The following PHACTR2 variants were observed in gnomAD, a reference collection of about 807,000 sequenced individuals.
The protein encoded by PHACTR2 is chromosome 6 open reading frame 56.
A neutral mutation model predicts 76.0 loss-of-function variants in PHACTR2; 30 were observed. The observed-to-expected ratio is 0.39, with a 90% CI of 0.30 to 0.54. The LOEUF (loss-of-function observed/expected upper bound fraction) is 0.54, where lower values mean the gene tolerates loss of function less well. Among genes scored for constraint, PHACTR2 ranks in the 20% least tolerant of loss-of-function variants. The probability of loss-of-function intolerance (pLI) is 0.61; values close to 1 mark genes in which losing one functional copy is unlikely to be tolerated. For missense variants in PHACTR2, 696 were observed against 781.1 expected (o/e 0.89, Z 1.30); for synonymous variants, 292 against 292.5 (o/e 1.00, Z 0.02).
chr6:143,649,086 A>G (rs905489481), intron 1 of PHACTR2, among the ~76,000 whole-genome samples: 2 of 151,714 alleles, frequency 1.3e-5, no homozygotes, highest in Admixed American at 1.3e-4. Context: ...AGTCAATTAG[A>G]TTTTGCCTTT....
In PHACTR2 at chr6:143,697,020, A is replaced by C. The variant is rs1005847699; in HGVS notation, c.47-14996A>C. ...ATGTTTGCCACCACAACACTGGGCT[A>C]TTATGCAAGGTAGTTCTACCTTGTA... On this transcript the variant is annotated intron_variant, in intron 1 of 12. Transcript: ENST00000440869. This position sits in a 1 kb window ranked among gnomAD's most constrained non-coding sequence, Gnocchi z 4.4. Among the ~76,000 whole-genome samples, 5 of 152,210 alleles carry C rather than the reference A, an allele frequency of 3.3e-5. No individual in the cohort carries two copies. The highest frequency in any genetic ancestry group is 4.8e-5 in the African/African-American group (2 of 41,450).
At chr6:143,729,141 C>T (rs1778644158) in intron 2 of PHACTR2, among the ~76,000 whole-genome samples, 1 of 152,118 alleles carries the variant, frequency 6.6e-6, no homozygotes, top group Admixed American at 6.5e-5. Context: ...CATATATCCT[C>T]TTTGATGAAG....
At chr6:143,724,594 A>G (rs1778516850) in intron 2 of PHACTR2, among the ~76,000 whole-genome samples, 1 of 147,850 alleles carries the variant, frequency 6.8e-6, no homozygotes, top group African/African-American at 2.5e-5. Flanking sequence ...TAGAGGTCCC[A>G]GCCCCGAGTT....
intron 2 of PHACTR2, among the ~76,000 whole-genome samples, chr6:143,717,865 C>A (rs1778337928): frequency 6.6e-6 from 1 of 152,118 alleles, no homozygotes; most frequent in Non-Finnish European, 1.5e-5. Flanking sequence ...AACCATCATA[C>A]CCTGCCTATG....
Position 143,789,199 on chromosome 6 carries a change from T to C in PHACTR2, c.1845+289T>C, listed in dbSNP as rs868289098. The C allele has an allele frequency of 2.5e-5, 6 of 243,240 alleles. No homozygotes were observed. Among genetic ancestry groups the C allele is most frequent in the Middle Eastern group, 2.9e-3 (2 of 698 alleles). The allele number at this position is 243,240 out of a possible 1,614,324, so 15.1% of individuals were successfully genotyped here. A position where few individuals can be genotyped will look rare whatever the true frequency, so the allele number is the denominator to read the frequency against. The stretch of plus-strand genomic sequence containing the variant: ...AGGATTTATCCTTACTCTTAGAAAA[T>C]ATAACTTATACAACTTATCATTTTA... On this transcript the variant is annotated intron_variant, in intron 11 of 12. Transcript: ENST00000440869. The surrounding 1 kb of genome is among the most constrained non-coding windows in gnomAD (Gnocchi z 5.1).
chr6:143,720,474 G>A (rs1315084202), intron 2 of PHACTR2, among the ~76,000 whole-genome samples: 1 of 152,160 alleles, frequency 6.6e-6, no homozygotes, highest in Admixed American at 6.5e-5. Flanking sequence ...AGAGAATCCT[G>A]GGAAGTCATC....
In PHACTR2 at chr6:143,806,261, T is replaced by C. The variant is rs1776061499; in HGVS notation, c.1846-796T>C. Among the ~76,000 whole-genome samples, 1 of 152,254 alleles carries C rather than the reference T, an allele frequency of 6.6e-6. No homozygotes were observed. The highest frequency in any genetic ancestry group is 1.9e-4 in the East Asian group (1 of 5,206). On this transcript the variant is annotated intron_variant, in intron 11 of 12. Coordinates refer to ENST00000440869, the MANE Select transcript of PHACTR2 (RefSeq NM_001100164.2). The surrounding 1 kb of genome is among the most constrained non-coding windows in gnomAD (Gnocchi z 5.8). ...ATTACGTGACACGGATTATGTGTTC[T>C]TTAAATAGCAATGCATTCTATTTGA...
At chr6:143,661,712 C>G (rs771326874) in intron 1 of PHACTR2, among the ~76,000 whole-genome samples, 1 of 152,018 alleles carries the variant, frequency 6.6e-6, no homozygotes, top group South Asian at 2.1e-4. Flanking sequence ...TGCACCACCA[C>G]ACCTGGCTAA....
rs541644274 is a variant in PHACTR2, at chr6:143,686,008, C to T, written c.46+7799C>T. The stretch of plus-strand genomic sequence containing the variant: ...TTAGCCAGGTGTGGTGGCGGGCGCC[C>T]GTAATCTCAGCTACTTGAGAGGCTG... On this transcript the variant is annotated intron_variant, in intron 1 of 12. Transcript: ENST00000440869. Among the ~76,000 whole-genome samples the T allele has an allele frequency of 2.6e-4, 40 of 151,664 alleles. 1 individual carries two copies. Among genetic ancestry groups the T allele is most frequent in the South Asian group, 1.0e-3 (5 of 4,804 alleles).
At chr6:143,817,727 T>C (rs2128486305) in intron 12 of PHACTR2, among the ~76,000 whole-genome samples, 1 of 152,328 alleles carries the variant, frequency 6.6e-6, no homozygotes, top group East Asian at 1.9e-4. Context: ...TGGAGGATAT[T>C]ATGTTATGTG....
At position 143,680,108 on chromosome 6, in the gene PHACTR2, G is replaced by A. The variant is rs1777356060; in HGVS notation, c.46+1899G>A. ...TCTCTAAATCCGTTAGAGCTACCCT[G>A]TTTCCCTGAAGGTTTGCCATCAGAT... On this transcript the variant is annotated intron_variant, in intron 1 of 12. Coordinates refer to ENST00000440869, the MANE Select transcript of PHACTR2 (RefSeq NM_001100164.2). This position sits in a 1 kb window ranked among gnomAD's most constrained non-coding sequence, Gnocchi z 4.5. 6.6e-6 allele frequency among the ~76,000 whole-genome samples: 1 copy of A among 150,782 alleles called. No individual in the cohort carries two copies. Among genetic ancestry groups the A allele is most frequent in the South Asian group, 2.1e-4 (1 of 4,804 alleles).
intron 1 of PHACTR2, among the ~76,000 whole-genome samples, chr6:143,631,783 A>G (rs1182851445): frequency 6.6e-6 from 1 of 152,146 alleles, no homozygotes; most frequent in Non-Finnish European, 1.5e-5. Context: ...AGCTTCTCGT[A>G]AAGTGGACAC....
At position 143,825,083 on chromosome 6, in the gene PHACTR2, A is replaced by G. The variant is rs866786629; in HGVS notation, c.*1394A>G. The G allele has an allele frequency of 5.9e-5, 9 of 152,754 alleles. No homozygotes were observed. The highest frequency in any genetic ancestry group is 1.9e-4 in the East Asian group (1 of 5,190). 9.5% of individuals were successfully genotyped at this position (152,754 alleles called of 1,614,324 possible). A position where few individuals can be genotyped will look rare whatever the true frequency, so the allele number is the denominator to read the frequency against. On this transcript the variant is annotated 3_prime_UTR_variant, in exon 13 of 13. Transcript: ENST00000440869. The surrounding 1 kb of genome is among the most constrained non-coding windows in gnomAD (Gnocchi z 4.1). ...CTTCTGCTCCCAAATACATATGACC[A>G]TATGTAAATACCACCTTGCATTTCA... is the stretch of plus-strand genomic sequence containing the variant.
chr6:143,757,126 A>T lies in PHACTR2; in HGVS notation c.454+3214A>T, dbSNP rs1327379282. Among the ~76,000 whole-genome samples, 1 of 148,948 alleles carries T rather than the reference A, an allele frequency of 6.7e-6. No individual in the cohort carries two copies. Among genetic ancestry groups the T allele is most frequent in the Non-Finnish European group, 1.5e-5 (1 of 68,010 alleles). On this transcript the variant is annotated intron_variant, in intron 4 of 12. Transcript: ENST00000440869. This position sits in a 1 kb window ranked among gnomAD's most constrained non-coding sequence, Gnocchi z 4.2. ...TGCTTGACATTATTTTTATTAAGTT[A>T]TTATTTTAAAATCTTCAATGAAATA...
rs942315728 is a variant in PHACTR2, at chr6:143,755,548, G to A, written c.454+1636G>A. On this transcript the variant is annotated intron_variant, in intron 4 of 12. Transcript: ENST00000440869. This position sits in a 1 kb window ranked among gnomAD's most constrained non-coding sequence, Gnocchi z 5.2. Reference sequence around the variant, plus strand: ...TTGAAAGAAGATAGCAGACCTTATGGGTCCATGAATAGTTGAGAGATGTTT... The same window carrying A: ...TTGAAAGAAGATAGCAGACCTTATGAGTCCATGAATAGTTGAGAGATGTTT... 2.9e-6 allele frequency: 1 copy of A among 345,690 alleles called. No individual in the cohort carries two copies. The highest frequency in any genetic ancestry group is 3.9e-5 in the Admixed American group (1 of 25,750). 21.4% of individuals were successfully genotyped at this position (345,690 alleles called of 1,614,324 possible). A position where few individuals can be genotyped will look rare whatever the true frequency, so the allele number is the denominator to read the frequency against.
At chr6:143,702,808 T>C (rs1376943427) in intron 1 of PHACTR2, among the ~76,000 whole-genome samples, 1 of 73,936 alleles carries the variant, frequency 1.4e-5, no homozygotes, top group East Asian at 3.3e-4. Context: ...TTACAGAAAA[T>C]AAACTACTGC....
At position 143,696,583 on chromosome 6, in the gene PHACTR2, A is replaced by G. The variant is rs1279268594; in HGVS notation, c.47-15433A>G. ...AAGGTTGAATTACAGACCTAAGGTT[A>G]CCAGCTAGGATGGGGAGGAACAGAT... On this transcript the variant is annotated intron_variant, in intron 1 of 12. Coordinates refer to ENST00000440869, the MANE Select transcript of PHACTR2 (RefSeq NM_001100164.2). This position sits in a 1 kb window ranked among gnomAD's most constrained non-coding sequence, Gnocchi z 4.1. Among the ~76,000 whole-genome samples, 4 of 152,202 alleles carry G rather than the reference A, an allele frequency of 2.6e-5. No individual in the cohort carries two copies. Among genetic ancestry groups the G allele is most frequent in the Non-Finnish European group, 5.9e-5 (4 of 68,036 alleles).
At chr6:143,707,916 G>A (rs117623780) in intron 1 of PHACTR2, among the ~76,000 whole-genome samples, 2,536 of 152,252 alleles carry the variant, frequency 0.017, 32 homozygotes, top group Middle Eastern at 0.051. Flanking sequence ...TCAGGAGGAA[G>A]AGAGAGAGGG....
At chr6:143,737,855 A>C (rs1778853489) in intron 2 of PHACTR2, among the ~76,000 whole-genome samples, 1 of 152,234 alleles carries the variant, frequency 6.6e-6, no homozygotes. Flanking sequence ...TGTTCTTTAC[A>C]AATACTGTGC....
Sources: gnomAD v4.1 joint callset for allele counts (sites outside exome capture counted in the v4.1 genomes callset) on GRCh38, gnomAD v4.1.1 for gene constraint, Gnocchi (gnomAD v3.1) non-coding constraint, MANE v1.5 for transcripts, NCBI Gene and HGNC (gene_info 2026-07-23, HGNC 2026-07-21) for gene names.